Variants in ESR1 observed in about 807,000 individuals in gnomAD.
The protein encoded by ESR1 is estrogen receptor 1.
Under a neutral mutation model 52.7 loss-of-function variants are expected in ESR1, and 12 were observed. The observed-to-expected ratio is 0.23, with a 90% CI of 0.15 to 0.37. The LOEUF is 0.37. Ranked by LOEUF, ESR1 falls within the 10% of genes least tolerant of loss-of-function variation. The probability of loss-of-function intolerance (pLI) is 1.00; values close to 1 mark genes in which losing one functional copy is unlikely to be tolerated. For synonymous variants in ESR1, 305 were observed against 316.8 expected (o/e 0.96, Z 0.39); for missense variants, 584 against 779.7 (o/e 0.75, Z 2.99).
chr6:151,982,591 T>A (rs1199600824), intron 4 of ESR1, among the ~76,000 whole-genome samples: 5 of 151,348 alleles, frequency 3.3e-5, no homozygotes, highest in Non-Finnish European at 7.4e-5. Context: ...TTCAAGCCAG[T>A]CTCCTGCCTC....
At chr6:152,026,712 A>G (rs190783145) in intron 5 of ESR1, among the ~76,000 whole-genome samples, 1 of 152,036 alleles carries the variant, frequency 6.6e-6, no homozygotes, top group East Asian at 1.9e-4. Context: ...TGTTAGATTT[A>G]TGCATACTTA....
At chr6:151,917,117 G>A (rs796377656) in intron 3 of ESR1, among the ~76,000 whole-genome samples, 7 of 151,810 alleles carry the variant, frequency 4.6e-5, no homozygotes, top group African/African-American at 1.7e-4. Context: ...GACAACAGGG[G>A]CTTGGTTTGT....
intron 2 of ESR1, among the ~76,000 whole-genome samples, chr6:151,721,183 G>A (rs771996374): frequency 2.0e-5 from 3 of 152,190 alleles, no homozygotes; most frequent in Non-Finnish European, 4.4e-5. Flanking sequence ...ATTCATAGAT[G>A]TTTATCTGAA....
chr6:151,895,679 G>C (rs1795387025), intron 3 of ESR1, among the ~76,000 whole-genome samples: 1 of 152,132 alleles, frequency 6.6e-6, no homozygotes. Flanking sequence ...ATTTTGTTCA[G>C]GTGGTGTGTC....
chr6:152,063,029 G>T lies in ESR1; in HGVS notation c.1369+1905G>T, dbSNP rs990774818. Among the ~76,000 whole-genome samples, 5 of 152,108 alleles carry T rather than the reference G, an allele frequency of 3.3e-5. No individual in the cohort carries two copies. The East Asian group carries it at 5.8e-4, about 18-fold the overall frequency. On this transcript the variant is annotated intron_variant, in intron 6 of 7. Transcript: ENST00000206249. ...GACCCAGGGTTTTTACAACCCAGGG[G>T]GAAAAAACTTTCAGCCCTCACAAGA...
At chr6:151,850,055 T>C (rs1464580031) in intron 2 of ESR1, among the ~76,000 whole-genome samples, 10 of 122,254 alleles carry the variant, frequency 8.2e-5, no homozygotes, top group African/African-American at 3.0e-4. Flanking sequence ...TTTATATATA[T>C]ATAATTTTAT....
chr6:152,020,240 C>T (rs1014925991), intron 5 of ESR1, among the ~76,000 whole-genome samples: 1 of 152,078 alleles, frequency 6.6e-6, no homozygotes, highest in Admixed American at 6.6e-5. Context: ...TTTATCCTGC[C>T]TAGAAGCATA....
At chr6:151,767,932 G>A (rs778091294) in intron 2 of ESR1, among the ~76,000 whole-genome samples, 14 of 152,126 alleles carry the variant, frequency 9.2e-5, no homozygotes, top group African/African-American at 2.2e-4. Context: ...AGCTCTATGC[G>A]CTAGAATTAG....
chr6:151,871,888 C>CATA (rs1791034566), intron 2 of ESR1, among the ~76,000 whole-genome samples: 1 of 152,184 alleles, frequency 6.6e-6, no homozygotes, highest in East Asian at 1.9e-4. Context: ...ATGATTCATT[C>CATA]ATGTTGTAGC....
chr6:151,933,633 A>G, intron 3 of ESR1, among the ~76,000 whole-genome samples: 1 of 152,172 alleles, frequency 6.6e-6, no homozygotes, highest in Non-Finnish European at 1.5e-5. Context: ...CGTCCCATCA[A>G]TACCTAATTT....
intron 3 of ESR1, among the ~76,000 whole-genome samples, chr6:151,933,801 T>A (rs1191739814): frequency 6.6e-6 from 1 of 152,202 alleles, no homozygotes; most frequent in Non-Finnish European, 1.5e-5. Context: ...TCCATCAGCA[T>A]GTCTTATTGG....
chr6:151,955,926 A>G (rs187508148), intron 4 of ESR1, among the ~76,000 whole-genome samples: 5 of 151,720 alleles, frequency 3.3e-5, no homozygotes, highest in Non-Finnish European at 7.4e-5. Context: ...CTTTTTGTCC[A>G]TGTGTTCTCA....
chr6:152,082,196 C>T (rs562556684), intron 6 of ESR1, among the ~76,000 whole-genome samples: 1 of 152,200 alleles, frequency 6.6e-6, no homozygotes, highest in African/African-American at 2.4e-5. Flanking sequence ...TGATGAACAT[C>T]GATGTGAAAA....
chr6:152,071,737 A>G (rs2048367428), intron 6 of ESR1, among the ~76,000 whole-genome samples: 1 of 152,238 alleles, frequency 6.6e-6, no homozygotes, highest in African/African-American at 2.4e-5. Flanking sequence ...TCATGATGAT[A>G]CAACATGATT....
At chr6:151,899,815 C>G (rs1171454055) in intron 3 of ESR1, among the ~76,000 whole-genome samples, 1 of 151,592 alleles carries the variant, frequency 6.6e-6, no homozygotes, top group Non-Finnish European at 1.5e-5. Context: ...AGGGCAGAGA[C>G]GCTCCTCACT....
chr6:151,791,283 G>T (rs565805137), intron 2 of ESR1, among the ~76,000 whole-genome samples: 1 of 152,280 alleles, frequency 6.6e-6, no homozygotes, highest in African/African-American at 2.4e-5. Flanking sequence ...TTGAATCACG[G>T]GGGCGGGTCT....
upstream of ESR1, among the ~76,000 whole-genome samples, chr6:151,801,349 A>G (rs1777224890): frequency 6.6e-6 from 1 of 152,202 alleles, no homozygotes; most frequent in Non-Finnish European, 1.5e-5. Context: ...AAAAGATCCT[A>G]AAATATTGTT....
At chr6:152,081,574 G>A (rs150818823) in intron 6 of ESR1, among the ~76,000 whole-genome samples, 7,467 of 151,302 alleles carry the variant, frequency 0.049, 233 homozygotes, top group Middle Eastern at 0.088. Flanking sequence ...AACTAGAGAA[G>A]CAAGAGCAAA....
chr6:151,909,580 C>T (rs1797954888), intron 3 of ESR1, among the ~76,000 whole-genome samples: 1 of 152,190 alleles, frequency 6.6e-6, no homozygotes, highest in Non-Finnish European at 1.5e-5. Flanking sequence ...GGATGGGACA[C>T]CTTCCATCAG....
Sources: gnomAD v4.1 joint callset for allele counts (sites outside exome capture counted in the v4.1 genomes callset) on GRCh38, gnomAD v4.1.1 for gene constraint, MANE v1.5 for transcripts, NCBI Gene and HGNC (gene_info 2026-07-23, HGNC 2026-07-21) for gene names.